The following AHI1 variants were observed in gnomAD, a reference collection of about 807,000 sequenced individuals.
The protein encoded by AHI1 is Abelson helper integration site 1.
A neutral mutation model predicts 149.3 loss-of-function variants in AHI1; 123 were observed. That is an observed-to-expected ratio of 0.82 (90% confidence interval 0.71 to 0.96). The LOEUF (loss-of-function observed/expected upper bound fraction) is 0.96. Among genes scored for constraint, AHI1 ranks in the 40% least tolerant of loss-of-function variants. The pLI is 0.00. For synonymous variants in AHI1, 475 were observed against 459.8 expected (o/e 1.03, Z -0.42); for missense variants, 1,439 against 1,422.7 (o/e 1.01, Z -0.18).
intron 3 of AHI1, 81 bp from the exon 4 acceptor site, chr6:135,492,372 C>T (rs567411992): frequency 7.0e-7 from 1 of 1,420,672 alleles, no homozygotes; most frequent in African/African-American, 1.4e-5. Flanking sequence ...AAGATCATGC[C>T]ATTGTATGTC....
At position 135,285,502 on chromosome 6, in the gene AHI1, A is replaced by C; in HGVS notation, c.*143T>G. The C allele has an allele frequency of 1.2e-6, 1 of 864,592 alleles. No homozygotes were observed. The highest frequency in any genetic ancestry group is 1.8e-6 in the Non-Finnish European group (1 of 541,778). 53.6% of individuals were successfully genotyped at this position (864,592 alleles called of 1,614,324 possible). On this transcript the variant is annotated 3_prime_UTR_variant, in exon 29 of 29. Transcript: ENST00000265602. The stretch of plus-strand genomic sequence containing the variant: ...CCCACAACTTGATTCTGATTTTTCT[A>C]GAGTCATTCATAAGAACAAGAAGTA...
At chr6:135,446,313 G>T (rs949013802) in intron 13 of AHI1, among the ~76,000 whole-genome samples, 1 of 152,132 alleles carries the variant, frequency 6.6e-6, no homozygotes, top group Non-Finnish European at 1.5e-5. Context: ...TAGGGGGAGA[G>T]ACAACAGGGG....
At chr6:135,354,171 C>T (rs1448031534) in intron 24 of AHI1, among the ~76,000 whole-genome samples, 1 of 152,028 alleles carries the variant, frequency 6.6e-6, no homozygotes, top group Non-Finnish European at 1.5e-5. Context: ...GCTTTGTTCT[C>T]TCTACCGGGG....
intron 24 of AHI1, among the ~76,000 whole-genome samples, chr6:135,339,912 A>C (rs964349003): frequency 5.3e-5 from 8 of 152,234 alleles, no homozygotes; most frequent in Non-Finnish European, 1.0e-4. Flanking sequence ...AGCAACAAGA[A>C]TAAAAAACTC....
At chr6:135,350,044 A>G (rs1410115051) in intron 24 of AHI1, among the ~76,000 whole-genome samples, 1 of 152,242 alleles carries the variant, frequency 6.6e-6, no homozygotes, top group East Asian at 1.9e-4. Context: ...CAGAACAAGG[A>G]AAAAGAAATC....
intron 24 of AHI1, among the ~76,000 whole-genome samples, chr6:135,348,856 T>C (rs1324083956): frequency 6.6e-6 from 1 of 152,220 alleles, no homozygotes; most frequent in Admixed American, 6.5e-5. Flanking sequence ...GATTACTGTG[T>C]GTTAGACACA....
At chr6:135,299,903 CAAAATAGTACTCAAATA>C (rs1783634725) in intron 27 of AHI1, among the ~76,000 whole-genome samples, 1 of 152,072 alleles carries the variant, frequency 6.6e-6, no homozygotes, top group Admixed American at 6.5e-5. Flanking sequence ...AATGTTATTT[CAAAATAGTACTCAAATA>C]AAAATAAATG....
Position 135,448,155 on chromosome 6 carries a change from G to T in AHI1, c.1626+135C>A, listed in dbSNP as rs1787532547. The T allele has an allele frequency of 5.7e-6, 3 of 527,852 alleles. No individual in the cohort carries two copies. The East Asian group carries it at 1.0e-4, about 18-fold the overall frequency. 32.7% of individuals were successfully genotyped at this position (527,852 alleles called of 1,614,324 possible). The stretch of plus-strand genomic sequence containing the variant: ...CATCTTTTAAATATCAGCTATTACA[G>T]GCTTAATATATAACCCCAGAAATCT... On this transcript the variant is annotated intron_variant, in intron 12 of 28. Transcript: ENST00000265602.
At chr6:135,459,722 T>A (rs1789560911) in intron 8 of AHI1, among the ~76,000 whole-genome samples, 1 of 119,540 alleles carries the variant, frequency 8.4e-6, no homozygotes, top group African/African-American at 3.2e-5. Flanking sequence ...CTACAGTATA[T>A]CAAATAGCTG....
intron 20 of AHI1, among the ~76,000 whole-genome samples, chr6:135,419,085 A>G (rs1019865180): frequency 6.6e-6 from 1 of 151,934 alleles, no homozygotes; most frequent in Non-Finnish European, 1.5e-5. Context: ...GCCTGTTAGC[A>G]ATTTTGTATT....
chr6:135,484,626 G>C (rs1794200582), intron 5 of AHI1, among the ~76,000 whole-genome samples: 1 of 151,918 alleles, frequency 6.6e-6, no homozygotes, highest in Admixed American at 6.6e-5. Context: ...ATACTCAGAA[G>C]GTCCTTCTTA....
intron 24 of AHI1, among the ~76,000 whole-genome samples, chr6:135,336,511 T>C (rs1789412320): frequency 6.6e-6 from 1 of 152,132 alleles, no homozygotes; most frequent in African/African-American, 2.4e-5. Context: ...GGCAGGAGGA[T>C]AGCTTGAGCC....
intron 27 of AHI1, among the ~76,000 whole-genome samples, chr6:135,292,658 AACTGTTCCCGAGGAAGCCCAGAC>A (rs1456487086): frequency 6.6e-6 from 1 of 152,230 alleles, no homozygotes; most frequent in East Asian, 1.9e-4. Context: ...CAATGAACAG[AACTGTTCCCGAGGAAGCCCAGAC>A]ACTGGCCTTA....
chr6:135,419,318 A>G (rs1304341559), intron 20 of AHI1, among the ~76,000 whole-genome samples: 1 of 152,068 alleles, frequency 6.6e-6, no homozygotes, highest in Non-Finnish European at 1.5e-5. Flanking sequence ...TTCCTATTCC[A>G]TTATCAATCA....
chr6:135,376,243 T>C (rs1775897604), intron 23 of AHI1, among the ~76,000 whole-genome samples: 1 of 152,070 alleles, frequency 6.6e-6, no homozygotes, highest in Non-Finnish European at 1.5e-5. Context: ...CTGAAATCAC[T>C]AAGTAGGGTT....
intron 26 of AHI1, chr6:135,302,605 T>C: frequency 8.9e-7 from 1 of 1,127,634 alleles, no homozygotes. Context: ...TCAAATTATA[T>C]GAATCCTAAG....
chr6:135,312,954 T>G (rs1785421220), intron 26 of AHI1, among the ~76,000 whole-genome samples: 1 of 152,216 alleles, frequency 6.6e-6, no homozygotes, highest in Non-Finnish European at 1.5e-5. Context: ...GACTTGAACA[T>G]GAAATTAAAT....
intron 24 of AHI1, among the ~76,000 whole-genome samples, chr6:135,339,133 GATT>G (rs1202490499): frequency 5.3e-5 from 8 of 152,104 alleles, no homozygotes; most frequent in African/African-American, 1.7e-4. Flanking sequence ...TGCTGTGAAT[GATT>G]ATATCCCTAG....
chr6:135,420,839 C>T (rs1783045253), intron 20 of AHI1, among the ~76,000 whole-genome samples: 1 of 152,212 alleles, frequency 6.6e-6, no homozygotes, highest in Non-Finnish European at 1.5e-5. Flanking sequence ...GCATTCACAA[C>T]TTGGCTAACT....
Sources: gnomAD v4.1 joint callset for allele counts (sites outside exome capture counted in the v4.1 genomes callset) on GRCh38, gnomAD v4.1.1 for gene constraint, MANE v1.5 for transcripts, NCBI Gene and HGNC (gene_info 2026-07-23, HGNC 2026-07-21) for gene names.